Variants in C1GALT1 observed in about 807,000 individuals in gnomAD.
The protein encoded by C1GALT1 is core 1 synthase, glycoprotein-N-acetylgalactosamine 3-beta-galactosyltransferase 1.
Under a neutral mutation model 31.0 loss-of-function variants are expected in C1GALT1, and 11 were observed. That is an observed-to-expected ratio of 0.36 (90% CI 0.22 to 0.59). The LOEUF (loss-of-function observed/expected upper bound fraction) is 0.59, where lower values mean the gene tolerates loss of function less well. C1GALT1 is among the 20% of genes least tolerant of loss of function. C1GALT1 has a pLI of 0.79. For synonymous variants in C1GALT1, 175 were observed against 143.6 expected, an observed-to-expected ratio of 1.22 and a Z score of -1.56; for missense variants, 424 against 425.2, an observed-to-expected ratio of 1.00 and a Z score of 0.03.
intron 1 of C1GALT1, among the ~76,000 whole-genome samples, chr7:7,189,224 T>C (rs1780950903): frequency 6.6e-6 from 1 of 152,148 alleles, no homozygotes; most frequent in Non-Finnish European, 1.5e-5. Context: ...CAGACAGACG[T>C]CTTATGGTTA....
rs1298227682 is a variant in C1GALT1, at chr7:7,243,787, G to A, written c.*60G>A. On this transcript the variant is annotated 3_prime_UTR_variant, in exon 4 of 4. Transcript: ENST00000436587. Reference sequence around the variant, plus strand: ...AGCACTGCACTGAAAAAGGACTTCTGCATTTCTGACATAGAACACTGGAAT... The same window carrying A: ...AGCACTGCACTGAAAAAGGACTTCTACATTTCTGACATAGAACACTGGAAT... 12 of 1,258,814 alleles carry A rather than the reference G, an allele frequency of 9.5e-6. No individual in the cohort carries two copies. The African/African-American group carries it at 1.4e-4, about 14-fold the overall frequency. 78.0% of individuals were successfully genotyped at this position (1,258,814 alleles called of 1,614,324 possible).
Position 7,243,712 on chromosome 7 carries a change from G to C in C1GALT1, c.1077G>C (p.Lys359Asn), listed in dbSNP as rs771861888. ...QANKNEDTKV[K>N]LGNP is the part of the protein sequence containing the mutation. Reference sequence around the variant, plus strand: ...ACAAAAATGAAGATACAAAAGTGAAGTTAGGAAATCCTTGAAAGAAAATCA... The same window carrying C: ...ACAAAAATGAAGATACAAAAGTGAACTTAGGAAATCCTTGAAAGAAAATCA... Residue 359 changes from lysine to asparagine, a missense_variant, in exon 4 of 4, where the codon AAG (lysine) becomes AAC (asparagine). Transcript: ENST00000436587. 3.1e-6 allele frequency: 5 copies of C among 1,602,612 alleles called. No homozygotes were observed. In the African/African-American group the frequency reaches 5.4e-5, roughly 17 times the overall value.
At chr7:7,237,171 T>A (rs1351822841) in intron 2 of C1GALT1, among the ~76,000 whole-genome samples, 1 of 152,244 alleles carries the variant, frequency 6.6e-6, no homozygotes, top group African/African-American at 2.4e-5. Flanking sequence ...AATTCATTTT[T>A]ATCCTATTTA....
At chr7:7,183,958 C>T (rs1171873142) in intron 1 of C1GALT1, among the ~76,000 whole-genome samples, 1 of 152,110 alleles carries the variant, frequency 6.6e-6, no homozygotes, top group Admixed American at 6.5e-5. Flanking sequence ...GGGCATAGAA[C>T]ATAGCTCTGC....
chr7:7,239,186 G>A (rs566429423), intron 3 of C1GALT1, among the ~76,000 whole-genome samples: 2 of 152,316 alleles, frequency 1.3e-5, no homozygotes, highest in South Asian at 2.1e-4. Flanking sequence ...TCCAGTTCTC[G>A]TGAACCTTAC....
intron 1 of C1GALT1, among the ~76,000 whole-genome samples, chr7:7,229,372 T>A (rs987335361): frequency 2.0e-5 from 3 of 152,178 alleles, no homozygotes; most frequent in African/African-American, 7.2e-5. Flanking sequence ...ATGCTCCAGG[T>A]TCACTGCTTC....
intron 1 of C1GALT1, among the ~76,000 whole-genome samples, chr7:7,213,781 T>C (rs1381539803): frequency 6.6e-6 from 1 of 152,254 alleles, no homozygotes; most frequent in Non-Finnish European, 1.5e-5. Context: ...GGTAAAAATC[T>C]TTACAAACCT....
chr7:7,158,651 G>A (rs549142229), intron 2 of C1GALT1, among the ~76,000 whole-genome samples: 105 of 150,634 alleles, frequency 7.0e-4, no homozygotes, highest in East Asian at 5.8e-4. Flanking sequence ...ATTTATATAT[G>A]TATGCATGTA....
intron 1 of C1GALT1, among the ~76,000 whole-genome samples, chr7:7,230,720 T>G (rs149031477): frequency 1.3e-5 from 2 of 151,748 alleles, no homozygotes; most frequent in Admixed American, 1.3e-4. Flanking sequence ...TGTTTGTTTG[T>G]TTAAAGATTA....
chr7:7,207,950 A>G (rs1781825014), intron 1 of C1GALT1, among the ~76,000 whole-genome samples: 1 of 152,178 alleles, frequency 6.6e-6, no homozygotes, highest in Non-Finnish European at 1.5e-5. Flanking sequence ...AGTTTCAGTT[A>G]TGGTCAACAG....
intron 1 of C1GALT1, among the ~76,000 whole-genome samples, chr7:7,211,045 G>C (rs1290987252): frequency 2.6e-5 from 4 of 152,148 alleles, no homozygotes; most frequent in African/African-American, 9.7e-5. Flanking sequence ...CTGCTGAAAA[G>C]GGGCATCATA....
chr7:7,162,096 A>T (rs1177287939), intron 2 of C1GALT1, among the ~76,000 whole-genome samples: 8 of 132,336 alleles, frequency 6.0e-5, no homozygotes, highest in South Asian at 2.4e-4. Flanking sequence ...TTTATTAGCT[A>T]TTTTTCTTTT....
chr7:7,233,195 C>G (rs1434845675), intron 1 of C1GALT1, among the ~76,000 whole-genome samples: 1 of 152,098 alleles, frequency 6.6e-6, no homozygotes, highest in East Asian at 1.9e-4. Flanking sequence ...AGGTACCCTA[C>G]TTAATCTCGT....
At chr7:7,176,470 C>T (rs1297184526) in intron 2 of C1GALT1, among the ~76,000 whole-genome samples, 1 of 151,558 alleles carries the variant, frequency 6.6e-6, no homozygotes, top group Non-Finnish European at 1.5e-5. Context: ...ATTGAGAAAA[C>T]AATTAAGGAA....
intron 1 of C1GALT1, among the ~76,000 whole-genome samples, chr7:7,212,696 A>AT (rs1298284665): frequency 2.6e-5 from 4 of 151,956 alleles, no homozygotes. Context: ...GTCAGGAGCA[A>AT]TTTTTTGTGG....
chr7:7,182,748 A>C lies in C1GALT1; in HGVS notation c.-90A>C. On this transcript the variant is annotated 5_prime_UTR_variant, in exon 1 of 4. Transcript: ENST00000436587. ...ACTTCTGCGGCTGCCCAGAGAAGCA[A>C]AGGTCACCAGTCCCAAGTCGTCCCC... 5 of 967,942 alleles carry C rather than the reference A, an allele frequency of 5.2e-6. No individual in the cohort carries two copies. In the African/African-American group the frequency reaches 5.3e-5, roughly 10 times the overall value. 60.0% of individuals were successfully genotyped at this position (967,942 alleles called of 1,614,324 possible).
At chr7:7,227,885 A>T (rs562106232) in intron 1 of C1GALT1, among the ~76,000 whole-genome samples, 171 of 152,280 alleles carry the variant, frequency 1.1e-3, no homozygotes, top group Non-Finnish European at 1.9e-3. Context: ...TGGACTTTCT[A>T]GCCTCCGTAA....
At chr7:7,224,268 G>T (rs77372762) in intron 1 of C1GALT1, among the ~76,000 whole-genome samples, 2,326 of 136,054 alleles carry the variant, frequency 0.017, 49 homozygotes, top group African/African-American at 0.068. Flanking sequence ...GTTTTTTTTG[G>T]TTTTTTTTTT....
At chr7:7,220,888 A>G (rs1037435584) in intron 1 of C1GALT1, among the ~76,000 whole-genome samples, 3 of 152,216 alleles carry the variant, frequency 2.0e-5, no homozygotes, top group Non-Finnish European at 2.9e-5. Flanking sequence ...ATTTTTCCTC[A>G]GAATTTCAAA....
Sources: gnomAD v4.1 joint callset for allele counts (sites outside exome capture counted in the v4.1 genomes callset) on GRCh38, gnomAD v4.1.1 for gene constraint, MANE v1.5 for transcripts, NCBI Gene and HGNC (gene_info 2026-07-23, HGNC 2026-07-21) for gene names.